Variants in KCNQ5 observed in about 807,000 individuals in gnomAD.
KCNQ5 encodes the protein potassium voltage-gated channel subfamily KQT member 5.
A neutral mutation model predicts 98.2 loss-of-function variants in KCNQ5; 30 were observed. The observed-to-expected ratio is 0.31, with a 90% CI of 0.23 to 0.41. The LOEUF is 0.41. Ranked by LOEUF, KCNQ5 falls within the 10% of genes least tolerant of loss-of-function variation. The probability of loss-of-function intolerance (pLI) is 1.00; values close to 1 mark genes in which losing one functional copy is unlikely to be tolerated. For synonymous variants in KCNQ5, 458 were observed against 449.4 expected (o/e 1.02, Z -0.24); for missense variants, 835 against 1,182.5 (o/e 0.71, Z 4.31).
At chr6:72,792,810 G>A (rs1169944704) in intron 1 of KCNQ5, among the ~76,000 whole-genome samples, 1 of 152,178 alleles carries the variant, frequency 6.6e-6, no homozygotes, top group East Asian at 1.9e-4. Context: ...CATATTTAGG[G>A]ATGCATGGGA....
intron 1 of KCNQ5, among the ~76,000 whole-genome samples, chr6:72,779,396 G>A (rs1032155014): frequency 6.6e-5 from 10 of 152,204 alleles, no homozygotes; most frequent in Non-Finnish European, 1.0e-4. Flanking sequence ...ACAAGTTTGT[G>A]AGAATGTGTG....
intron 1 of KCNQ5, among the ~76,000 whole-genome samples, chr6:72,906,944 T>C (rs574686912): frequency 1.3e-5 from 2 of 152,366 alleles, no homozygotes; most frequent in East Asian, 3.9e-4. Flanking sequence ...ATTTTCTTTC[T>C]GAAGTTTTCT....
Position 73,139,406 on chromosome 6 carries a change from C to T in KCNQ5, c.1468+5765C>T, listed in dbSNP as rs1043807561. Among the ~76,000 whole-genome samples the T allele has an allele frequency of 6.6e-5, 10 of 152,250 alleles. No individual in the cohort carries two copies. In the South Asian group the frequency reaches 1.7e-3, roughly 25 times the overall value. The stretch of plus-strand genomic sequence containing the variant: ...TTTAAGGATTTAGGTTTGGGGATTG[C>T]ATTTGGGGAAAGCAACTTTCCATAG... On this transcript the variant is annotated intron_variant, in intron 10 of 13. Coordinates refer to ENST00000370398, the MANE Select transcript of KCNQ5 (RefSeq NM_019842.4).
intron 5 of KCNQ5, among the ~76,000 whole-genome samples, chr6:73,082,965 G>A (rs967707480): frequency 1.3e-4 from 18 of 143,028 alleles, no homozygotes; most frequent in African/African-American, 3.7e-4. Context: ...TTTATAGCTC[G>A]CTGCAGCCTC....
intron 1 of KCNQ5, among the ~76,000 whole-genome samples, chr6:72,670,678 TC>T (rs1382901426): frequency 4.7e-4 from 72 of 152,344 alleles, no homozygotes; most frequent in Non-Finnish European, 6.2e-4. Flanking sequence ...TTCTTGGCTT[TC>T]TTCCTGGCTG....
chr6:72,898,346 C>A (rs1024555054), intron 1 of KCNQ5, among the ~76,000 whole-genome samples: 2 of 152,110 alleles, frequency 1.3e-5, no homozygotes, highest in Admixed American at 1.3e-4. Context: ...CGGCTATAGG[C>A]CCCAGAGTGT....
intron 1 of KCNQ5, among the ~76,000 whole-genome samples, chr6:72,658,519 G>T (rs112881561): frequency 2.8e-4 from 40 of 141,000 alleles, no homozygotes; most frequent in African/African-American, 1.1e-3. Flanking sequence ...GACCTCAAGT[G>T]ATCCACCTGC....
intron 2 of KCNQ5, among the ~76,000 whole-genome samples, chr6:73,005,102 G>A (rs992662465): frequency 7.2e-5 from 11 of 152,146 alleles, no homozygotes; most frequent in African/African-American, 2.4e-4. Flanking sequence ...TTTTGAATCT[G>A]TAATAAATCT....
chr6:72,648,716 T>C (rs1434544846), intron 1 of KCNQ5, among the ~76,000 whole-genome samples: 1 of 151,998 alleles, frequency 6.6e-6, no homozygotes, highest in Non-Finnish European at 1.5e-5. Flanking sequence ...ATTTAAATTT[T>C]TTTAAAACCT....
At chr6:73,092,704 G>C (rs1018071780) in intron 5 of KCNQ5, among the ~76,000 whole-genome samples, 1 of 152,112 alleles carries the variant, frequency 6.6e-6, no homozygotes, top group African/African-American at 2.4e-5. Flanking sequence ...TTTATGTGGT[G>C]TATCACATTT....
At chr6:72,852,324 C>T (rs910474843) in intron 1 of KCNQ5, among the ~76,000 whole-genome samples, 1 of 151,858 alleles carries the variant, frequency 6.6e-6, no homozygotes, top group Admixed American at 6.6e-5. Context: ...TTTATTGCAG[C>T]ATTATTCACA....
At chr6:72,977,506 G>A (rs540036807) in intron 1 of KCNQ5, among the ~76,000 whole-genome samples, 1 of 152,270 alleles carries the variant, frequency 6.6e-6, no homozygotes, top group South Asian at 2.1e-4. Context: ...GGAACCATAA[G>A]TTTTAAAACA....
intron 1 of KCNQ5, among the ~76,000 whole-genome samples, chr6:72,696,674 A>G (rs1460963601): frequency 4.6e-5 from 7 of 152,206 alleles, no homozygotes; most frequent in Admixed American, 1.3e-4. Flanking sequence ...AATCTTGCAT[A>G]TTAAAACATA....
chr6:72,887,791 C>G (rs552386800), intron 1 of KCNQ5, among the ~76,000 whole-genome samples: 11 of 150,662 alleles, frequency 7.3e-5, no homozygotes, highest in Non-Finnish European at 1.5e-4. Context: ...AACTAGCAGA[C>G]AGAAAAACTA....
chr6:73,133,995 C>T, intron 10 of KCNQ5: 1 of 480,756 alleles, frequency 2.1e-6, no homozygotes, highest in Non-Finnish European at 4.3e-6. Flanking sequence ...AGGTCCAAGA[C>T]CCAGGGACAA....
At chr6:73,143,305 C>A (rs1361868511) in intron 10 of KCNQ5, 1 of 152,090 alleles carries the variant, frequency 6.6e-6, no homozygotes, top group African/African-American at 2.4e-5. Flanking sequence ...TCTTCTGGAC[C>A]AATGCAAAGT....
At chr6:73,190,174 G>T (rs1002358678) in intron 11 of KCNQ5, among the ~76,000 whole-genome samples, 8 of 152,064 alleles carry the variant, frequency 5.3e-5, no homozygotes, top group Non-Finnish European at 1.0e-4. Context: ...AATGCATGTA[G>T]TTCCATAAAA....
chr6:72,821,091 T>C (rs546890858), intron 1 of KCNQ5, among the ~76,000 whole-genome samples: 1 of 152,250 alleles, frequency 6.6e-6, no homozygotes, highest in South Asian at 2.1e-4. Context: ...AGGAAGACAA[T>C]GTGGGGATGT....
At chr6:72,959,589 G>A (rs538585952) in intron 1 of KCNQ5, among the ~76,000 whole-genome samples, 3 of 152,158 alleles carry the variant, frequency 2.0e-5, no homozygotes, top group Admixed American at 6.5e-5. Context: ...AAAGAGTAGC[G>A]AACAATATTC....
Sources: gnomAD v4.1 joint callset for allele counts (sites outside exome capture counted in the v4.1 genomes callset) on GRCh38, gnomAD v4.1.1 for gene constraint, MANE v1.5 for transcripts, NCBI Gene and HGNC (gene_info 2026-07-23, HGNC 2026-07-21) for gene names.